SCN9A: variants seen among roughly 807,000 people sequenced by gnomAD.
SCN9A encodes the protein sodium voltage-gated channel alpha subunit 9, also known as sodium channel protein type 9 subunit alpha.
A neutral mutation model predicts 187.0 loss-of-function variants in SCN9A; 131 were observed. That is an observed-to-expected ratio of 0.70 (90% CI 0.61 to 0.81). The LOEUF is 0.81. Among genes scored for constraint, SCN9A ranks in the 30% least tolerant of loss-of-function variants. SCN9A has a pLI of 0.00. For synonymous variants in SCN9A, 809 were observed against 808.6 expected, an observed-to-expected ratio of 1.00 and a Z score of -0.01; for missense variants, 2,252 against 2,396.6, an observed-to-expected ratio of 0.94 and a Z score of 1.26.
At chr2:166,207,495 C>T (rs1574713128) in intron 24 of SCN9A, among the ~76,000 whole-genome samples, 1 of 151,906 alleles carries the variant, frequency 6.6e-6, no homozygotes, top group South Asian at 2.1e-4. Flanking sequence ...GGCTGGAGTG[C>T]AGTGCCACCA....
chr2:166,304,194 T>C, intron 6 of SCN9A, 44 bp downstream of exon 6: 2 of 1,608,194 alleles, frequency 1.2e-6, no homozygotes, highest in Non-Finnish European at 1.7e-6. Context: ...CCCAAATAGT[T>C]GGAGTTATGA....
Position 166,306,516 on chromosome 2 carries a change from T to A in SCN9A, c.461A>T (p.Asn154Ile), listed in dbSNP as rs1455672180. The change falls in exon 4 of 27, where the codon AAT (asparagine) becomes ATT (isoleucine). Residue 154 changes from asparagine to isoleucine, a missense_variant. By Grantham distance (149) the Asn-to-Ile change is moderately radical. This residue lies in a region of SCN9A where 1,013 missense variants were observed against 997.4 expected (regional missense o/e 1.02). Coordinates refer to ENST00000642356, the MANE Select transcript of SCN9A (RefSeq NM_001365536.1). ...TGTACTTATACCCACTTACTCGACA[T>A]TTTTGGTCCAGTCCGGTGGGTTATT... ...TMNNPPDWTK[N>I]VEYTFTGIYT... is the part of the protein sequence containing the mutation. 6.5e-7 allele frequency: 1 copy of A among 1,538,536 alleles called. No homozygotes were observed. The highest frequency in any genetic ancestry group is 8.9e-7 in the Non-Finnish European group (1 of 1,125,670).
intron 24 of SCN9A, among the ~76,000 whole-genome samples, chr2:166,206,958 A>G (rs907501150): frequency 9.2e-5 from 14 of 152,254 alleles, no homozygotes; most frequent in African/African-American, 3.1e-4. Flanking sequence ...ACATAAAAGA[A>G]AATATAACTT....
chr2:166,254,579 G>A (rs1260339479), intron 17 of SCN9A, among the ~76,000 whole-genome samples: 1 of 151,258 alleles, frequency 6.6e-6, no homozygotes, highest in African/African-American at 2.4e-5. Flanking sequence ...ACTATACAAG[G>A]AAGATCATAT....
chr2:166,300,543 C>G (rs1285199821), intron 7 of SCN9A, among the ~76,000 whole-genome samples: 1 of 150,768 alleles, frequency 6.6e-6, no homozygotes, highest in Non-Finnish European at 1.5e-5. Flanking sequence ...GTCTGTTCCC[C>G]CTTAAACATT....
In SCN9A at chr2:166,320,777, C is replaced by G. The variant is rs541713728; in HGVS notation, c.-50-8971G>C. Among the ~76,000 whole-genome samples the G allele has an allele frequency of 2.0e-4, 31 of 152,122 alleles. No individual in the cohort carries two copies. In the South Asian group the frequency reaches 6.0e-3, roughly 29 times the overall value. On this transcript the variant is annotated intron_variant, in intron 1 of 26. Transcript: ENST00000642356. Reference sequence around the variant, plus strand: ...TCCAAAATACTACTGTTTTAAAATCCCTTTCACTTATGTTAGGTAATGTTA... The same window carrying G: ...TCCAAAATACTACTGTTTTAAAATCGCTTTCACTTATGTTAGGTAATGTTA...
chr2:166,368,254 G>A (rs916901959), intron 1 of SCN9A, among the ~76,000 whole-genome samples: 3 of 152,206 alleles, frequency 2.0e-5, no homozygotes, highest in African/African-American at 7.2e-5. Flanking sequence ...GCATTAAGGA[G>A]ACGTCCATAC....
chr2:166,319,407 G>A (rs1699184819), intron 1 of SCN9A, among the ~76,000 whole-genome samples: 1 of 150,566 alleles, frequency 6.6e-6, no homozygotes, highest in Non-Finnish European at 1.5e-5. Context: ...CAAATAGTGT[G>A]AATAAAAGCA....
At chr2:166,224,942 A>T (rs1694782262) in intron 24 of SCN9A, among the ~76,000 whole-genome samples, 1 of 152,176 alleles carries the variant, frequency 6.6e-6, no homozygotes, top group Non-Finnish European at 1.5e-5. Context: ...GACTACAATT[A>T]TGTTAGAAGT....
At chr2:166,309,135 G>A (rs1029389077) in intron 2 of SCN9A, among the ~76,000 whole-genome samples, 7 of 151,482 alleles carry the variant, frequency 4.6e-5, no homozygotes, top group Admixed American at 2.6e-4. Flanking sequence ...AGAGTGAAGA[G>A]GGAACAGGGT....
intron 24 of SCN9A, among the ~76,000 whole-genome samples, chr2:166,208,316 C>G (rs551872881): frequency 6.6e-6 from 1 of 152,212 alleles, no homozygotes; most frequent in South Asian, 2.1e-4. Context: ...GTAAAACCAC[C>G]TCATCATTAT....
intron 1 of SCN9A, among the ~76,000 whole-genome samples, chr2:166,332,540 C>T (rs935078223): frequency 1.3e-5 from 2 of 152,130 alleles, no homozygotes; most frequent in Admixed American, 6.6e-5. Flanking sequence ...AAATTAATCA[C>T]TTGACCTCAG....
chr2:166,218,564 A>C (rs568990867), intron 24 of SCN9A, among the ~76,000 whole-genome samples: 15 of 151,806 alleles, frequency 9.9e-5, no homozygotes, highest in Non-Finnish European at 2.1e-4. Flanking sequence ...TAGAGGAATA[A>C]ATCTTAAGAT....
At chr2:166,255,057 C>T (rs1034221703) in intron 17 of SCN9A, among the ~76,000 whole-genome samples, 3 of 150,846 alleles carry the variant, frequency 2.0e-5, no homozygotes, top group African/African-American at 7.3e-5. Flanking sequence ...ATAAAAGTTC[C>T]CTCCACTATC....
chr2:166,368,707 G>T (rs561611663), intron 1 of SCN9A, among the ~76,000 whole-genome samples: 6 of 137,728 alleles, frequency 4.4e-5, no homozygotes, highest in Non-Finnish European at 9.4e-5. Flanking sequence ...AAAAAAAGAG[G>T]CTGGGCATGG....
intron 1 of SCN9A, among the ~76,000 whole-genome samples, chr2:166,342,729 A>AT (rs1389206585): frequency 6.6e-6 from 1 of 152,132 alleles, no homozygotes; most frequent in Non-Finnish European, 1.5e-5. Context: ...AATTGAAACT[A>AT]TTTTTTATTT....
chr2:166,339,095 C>T (rs913503263), intron 1 of SCN9A, among the ~76,000 whole-genome samples: 1 of 152,024 alleles, frequency 6.6e-6, no homozygotes, highest in Non-Finnish European at 1.5e-5. Flanking sequence ...TTTAGAAATT[C>T]AATCAGTGAG....
chr2:166,321,780 A>G (rs1176956229), intron 1 of SCN9A, among the ~76,000 whole-genome samples: 1 of 146,680 alleles, frequency 6.8e-6, no homozygotes, highest in African/African-American at 2.6e-5. Context: ...TTCCAATTAT[A>G]GCCTGGCAAA....
intron 1 of SCN9A, among the ~76,000 whole-genome samples, chr2:166,370,795 A>T (rs1313262704): frequency 1.3e-5 from 2 of 152,012 alleles, no homozygotes; most frequent in Non-Finnish European, 2.9e-5. Flanking sequence ...AACATTTGGA[A>T]GATGAGATGT....
Sources: allele counts gnomAD v4.1 joint callset (sites outside exome capture counted in the v4.1 genomes callset), GRCh38; gene constraint gnomAD v4.1.1; regional missense constraint gnomAD v4.1.1; transcripts MANE v1.5; gene names NCBI Gene and HGNC (gene_info 2026-07-23, HGNC 2026-07-21).